The following GRIA3 variants were observed in gnomAD, a reference collection of about 807,000 sequenced individuals.
The protein encoded by GRIA3 is glutamate receptor 3.
GRIA3 carries 3 observed loss-of-function variants against 63.0 expected under a neutral mutation model. The ratio of observed to expected loss-of-function variants is 0.05; its 90% confidence interval spans 0.02 to 0.12. GRIA3 has a LOEUF of 0.12. GRIA3 is among the 10% of genes least tolerant of loss of function. GRIA3 has a pLI of 1.00. For missense variants in GRIA3, 347 were observed against 700.9 expected, an observed-to-expected ratio of 0.50 and a Z score of 5.70; for synonymous variants, 274 against 257.9, an observed-to-expected ratio of 1.06 and a Z score of -0.60.
chrX:123,263,362 C>G lies in GRIA3; in HGVS notation c.508+9820C>G, dbSNP rs2044470811. ...TACTTCACTCCCTGTCTTCCTGGAT[C>G]CTTTCCAATCAATAGGTTGCCAGTG... On this transcript the variant is annotated intron_variant, in intron 3 of 15. Coordinates refer to ENST00000620443, the MANE Select transcript of GRIA3 (RefSeq NM_007325.5). Among the ~76,000 whole-genome samples the G allele has an allele frequency of 2.7e-5, 3 of 112,433 alleles. No individual in the cohort carries two copies. The South Asian group carries it at 1.1e-3, about 42-fold the overall frequency.
chrX:123,297,149 C>A (rs2147311858), intron 3 of GRIA3, among the ~76,000 whole-genome samples: 1 of 111,060 alleles, frequency 9.0e-6, no homozygotes, highest in East Asian at 2.9e-4. Flanking sequence ...GGCCCCATCC[C>A]AGACCTATGG....
intron 13 of GRIA3, chrX:123,465,815 G>A: frequency 9.9e-7 from 1 of 1,007,061 alleles, no homozygotes; most frequent in Non-Finnish European, 1.4e-6. Flanking sequence ...CCACAACCGG[G>A]TACCCTTAGT....
At chrX:123,226,421 T>C (rs911281636) in intron 2 of GRIA3, among the ~76,000 whole-genome samples, 1 of 112,080 alleles carries the variant, frequency 8.9e-6, no homozygotes, top group African/African-American at 3.2e-5. Flanking sequence ...AAACTGTGAT[T>C]CTAAATGTAT....
chrX:123,320,383 G>C (rs1034510331), intron 3 of GRIA3, among the ~76,000 whole-genome samples: 17 of 112,186 alleles, frequency 1.5e-4, no homozygotes, highest in African/African-American at 4.5e-4. Context: ...AAATGTACGT[G>C]TGTTCGCTGA....
intron 2 of GRIA3, among the ~76,000 whole-genome samples, chrX:123,200,680 C>T (rs149175354): frequency 0.018 from 1,900 of 108,535 alleles, 41 homozygotes; most frequent in African/African-American, 0.06. Context: ...AGGTGGATTC[C>T]CAATTCACTA....
intron 5 of GRIA3, among the ~76,000 whole-genome samples, chrX:123,365,330 G>A (rs752644176): frequency 1.7e-4 from 19 of 111,691 alleles, no homozygotes; most frequent in Non-Finnish European, 2.8e-4. Flanking sequence ...GGCACCTAAA[G>A]TTGTAAGTAA....
chrX:123,230,040 G>A (rs983295609), intron 2 of GRIA3, among the ~76,000 whole-genome samples: 1 of 111,346 alleles, frequency 9.0e-6, no homozygotes, highest in Non-Finnish European at 1.9e-5. Flanking sequence ...GCATGATTTG[G>A]GGAGGAGGAA....
At chrX:123,435,647 G>C (rs1473100294) in intron 12 of GRIA3, among the ~76,000 whole-genome samples, 1 of 111,906 alleles carries the variant, frequency 8.9e-6, no homozygotes, top group African/African-American at 3.3e-5. Flanking sequence ...AACTTCAAAG[G>C]GTTCCAAGAT....
intron 3 of GRIA3, among the ~76,000 whole-genome samples, chrX:123,321,899 G>A (rs1271197419): frequency 3.6e-5 from 4 of 111,605 alleles, no homozygotes; most frequent in Non-Finnish European, 5.7e-5. Flanking sequence ...GCTCCCTTCC[G>A]GGAGCTCTGA....
intron 12 of GRIA3, among the ~76,000 whole-genome samples, chrX:123,444,881 G>T (rs1242731746): frequency 9.0e-6 from 1 of 111,249 alleles, no homozygotes; most frequent in Non-Finnish European, 1.9e-5. Flanking sequence ...AAACAGAAGT[G>T]TGATCATATT....
At chrX:123,184,770 C>T (rs2147243026) in intron 1 of GRIA3, 126 bp downstream of exon 1, 1 of 299,461 alleles carries the variant, frequency 3.3e-6, no homozygotes, top group Non-Finnish European at 6.6e-6. Context: ...GGGCCGGGAC[C>T]GGGCAGAGAT....
At chrX:123,231,690 G>A (rs1380669027) in intron 2 of GRIA3, among the ~76,000 whole-genome samples, 14 of 110,954 alleles carry the variant, frequency 1.3e-4, no homozygotes, top group Non-Finnish European at 2.5e-4. Flanking sequence ...GGTAAAAATT[G>A]ACCATGTAGT....
intron 3 of GRIA3, among the ~76,000 whole-genome samples, chrX:123,255,688 A>T (rs1225810408): frequency 1.9e-5 from 2 of 107,951 alleles, no homozygotes; most frequent in East Asian, 5.8e-4. Flanking sequence ...TCTTTTCTCT[A>T]ATCATCTAAC....
chrX:123,225,831 C>T (rs928652075), intron 2 of GRIA3, among the ~76,000 whole-genome samples: 1 of 110,810 alleles, frequency 9.0e-6, no homozygotes. Context: ...CATTCTAAAC[C>T]CCCTCTACCA....
intron 13 of GRIA3, among the ~76,000 whole-genome samples, chrX:123,475,507 C>T (rs917221556): frequency 4.5e-5 from 5 of 111,836 alleles, no homozygotes; most frequent in African/African-American, 9.8e-5. Context: ...TGTCTTAAGA[C>T]GGCTCTACTC....
intron 4 of GRIA3, among the ~76,000 whole-genome samples, chrX:123,332,690 G>A (rs1405747537): frequency 9.0e-6 from 1 of 110,970 alleles, no homozygotes; most frequent in Non-Finnish European, 1.9e-5. Flanking sequence ...CCTATCCGAA[G>A]TCTGAAAAAG....
chrX:123,317,172 C>A (rs1045862024), intron 3 of GRIA3, among the ~76,000 whole-genome samples: 7 of 111,134 alleles, frequency 6.3e-5, no homozygotes, highest in African/African-American at 2.3e-4. Context: ...ATGAGAAAAA[C>A]CAGCCCCCAT....
chrX:123,189,606 T>C (rs1171502731), intron 2 of GRIA3, among the ~76,000 whole-genome samples: 3 of 112,826 alleles, frequency 2.7e-5, no homozygotes, highest in South Asian at 7.3e-4. Context: ...TGTACACCTT[T>C]ACAGCCAACA....
chrX:123,469,556 A>C (rs1170974019), intron 13 of GRIA3, among the ~76,000 whole-genome samples: 1 of 112,139 alleles, frequency 8.9e-6, no homozygotes, highest in African/African-American at 3.2e-5. Flanking sequence ...AACAGACTTG[A>C]TCATTTCTTG....
Sources: allele counts gnomAD v4.1 joint callset (sites outside exome capture counted in the v4.1 genomes callset), GRCh38; gene constraint gnomAD v4.1.1; transcripts MANE v1.5; gene names NCBI Gene and HGNC (gene_info 2026-07-23, HGNC 2026-07-21).